Variants in ERBB4 observed in about 807,000 individuals in gnomAD.
ERBB4 encodes the protein erb-b2 receptor tyrosine kinase 4, also known as receptor tyrosine-protein kinase erbB-4.
Under a neutral mutation model 158.0 loss-of-function variants are expected in ERBB4, and 42 were observed. The ratio of observed to expected loss-of-function variants is 0.27; its 90% CI spans 0.21 to 0.34. The LOEUF (loss-of-function observed/expected upper bound fraction) is 0.34, where lower values mean the gene tolerates loss of function less well. Among genes scored for constraint, ERBB4 ranks in the 10% least tolerant of loss-of-function variants. The probability of loss-of-function intolerance (pLI) is 1.00; values close to 1 mark genes in which losing one functional copy is unlikely to be tolerated. For missense variants in ERBB4, 1,333 were observed against 1,624.1 expected, an observed-to-expected ratio of 0.82 and a Z score of 3.08; for synonymous variants, 583 against 558.7, an observed-to-expected ratio of 1.04 and a Z score of -0.61.
intron 1 of ERBB4, among the ~76,000 whole-genome samples, chr2:212,380,649 A>C (rs1485573912): frequency 1.3e-5 from 2 of 150,894 alleles, no homozygotes; most frequent in Non-Finnish European, 3.0e-5. Context: ...AATATATTTT[A>C]TTTTAATGTA....
At chr2:212,536,876 A>C (rs1188913691) in intron 1 of ERBB4, among the ~76,000 whole-genome samples, 4 of 152,128 alleles carry the variant, frequency 2.6e-5, no homozygotes, top group Non-Finnish European at 5.9e-5. Flanking sequence ...GTGCATAATC[A>C]ACCCATTGAG....
At chr2:211,538,662 C>T (rs17406681) in intron 20 of ERBB4, among the ~76,000 whole-genome samples, 27,374 of 151,700 alleles carry the variant, frequency 0.18, 3,037 homozygotes, top group Non-Finnish European at 0.24. Context: ...TTATTCTGGA[C>T]ATTGTACATA....
chr2:211,938,503 T>C (rs2080392367), intron 3 of ERBB4, among the ~76,000 whole-genome samples: 3 of 152,124 alleles, frequency 2.0e-5, no homozygotes, highest in African/African-American at 7.2e-5. Context: ...TAATTAAAAT[T>C]AGATAAAAAT....
chr2:211,831,776 G>T (rs187437186), intron 3 of ERBB4, among the ~76,000 whole-genome samples: 2 of 151,984 alleles, frequency 1.3e-5, no homozygotes, highest in African/African-American at 4.8e-5. Flanking sequence ...GGCAGCAGGT[G>T]CATATAATCC....
At chr2:211,542,299 T>C (rs1396616191) in intron 20 of ERBB4, among the ~76,000 whole-genome samples, 1 of 151,980 alleles carries the variant, frequency 6.6e-6, no homozygotes, top group Non-Finnish European at 1.5e-5. Context: ...ATTCCTCCTC[T>C]AAACAAGTGA....
rs115019933 is a variant in ERBB4, at chr2:212,033,942, A to G, written c.235-86326T>C. ...ACAAAAATTGTAGCAGGAAATCTCAATAAATCATAATCAAAAATGAATCAT... is the reference window on the plus strand; with the variant it reads ...ACAAAAATTGTAGCAGGAAATCTCAGTAAATCATAATCAAAAATGAATCAT... On this transcript the variant is annotated intron_variant, in intron 2 of 27. Coordinates refer to ENST00000342788, the MANE Select transcript of ERBB4 (RefSeq NM_005235.3). Among the ~76,000 whole-genome samples, 1,338 of 152,030 alleles carry G rather than the reference A, an allele frequency of 8.8e-3. 16 individuals are homozygous for G. Among genetic ancestry groups the G allele is most frequent in the African/African-American group, 0.031 (1,277 of 41,556 alleles).
intron 2 of ERBB4, among the ~76,000 whole-genome samples, chr2:212,061,730 T>A (rs2077774927): frequency 6.6e-6 from 1 of 150,588 alleles, no homozygotes; most frequent in Non-Finnish European, 1.5e-5. Flanking sequence ...TTTTCCTTTT[T>A]TCTTTTCTTT....
At chr2:212,064,691 C>A (rs978855075) in intron 2 of ERBB4, among the ~76,000 whole-genome samples, 2 of 151,836 alleles carry the variant, frequency 1.3e-5, no homozygotes, top group African/African-American at 4.8e-5. Flanking sequence ...AACTAGAGAA[C>A]AAAAGAACAC....
chr2:212,027,457 C>A lies in ERBB4; in HGVS notation c.235-79841G>T, dbSNP rs915110907. ...ACTGTATACAAAAGTGATCCAAAAACCAGATTAATATGTTATTTTTACTAC... is the reference window on the plus strand; with the variant it reads ...ACTGTATACAAAAGTGATCCAAAAAACAGATTAATATGTTATTTTTACTAC... On this transcript the variant is annotated intron_variant, in intron 2 of 27. Coordinates refer to ENST00000342788, the MANE Select transcript of ERBB4 (RefSeq NM_005235.3). Among the ~76,000 whole-genome samples the A allele has an allele frequency of 4.0e-5, 6 of 151,884 alleles. No homozygotes were observed. In the East Asian group the frequency reaches 1.2e-3, roughly 29 times the overall value.
chr2:211,444,847 G>C (rs2064071310), intron 20 of ERBB4, among the ~76,000 whole-genome samples: 1 of 152,010 alleles, frequency 6.6e-6, no homozygotes, highest in African/African-American at 2.4e-5. Flanking sequence ...TTACGTAAAT[G>C]ATGTGTTCAG....
chr2:212,367,179 C>A (rs1283850249), intron 1 of ERBB4, among the ~76,000 whole-genome samples: 1 of 152,032 alleles, frequency 6.6e-6, no homozygotes, highest in Non-Finnish European at 1.5e-5. Context: ...GTCCTCAGAA[C>A]AAAACCTATC....
intron 22 of ERBB4, among the ~76,000 whole-genome samples, chr2:211,425,839 T>A (rs1022085302): frequency 6.6e-6 from 1 of 151,986 alleles, no homozygotes; most frequent in East Asian, 1.9e-4. Flanking sequence ...TGAGCCACCA[T>A]GCCTGGCTGA....
At chr2:212,528,330 G>A (rs1270528232) in intron 1 of ERBB4, among the ~76,000 whole-genome samples, 1 of 152,096 alleles carries the variant, frequency 6.6e-6, no homozygotes, top group Non-Finnish European at 1.5e-5. Flanking sequence ...AGAAGGCAGA[G>A]CCAGCTGGCT....
At chr2:212,183,555 T>C (rs539993337) in intron 1 of ERBB4, among the ~76,000 whole-genome samples, 3 of 152,142 alleles carry the variant, frequency 2.0e-5, no homozygotes, top group East Asian at 3.9e-4. Context: ...ACAACATTTA[T>C]CTTGAATTTT....
chr2:212,254,615 C>T (rs773084818), intron 1 of ERBB4, among the ~76,000 whole-genome samples: 9 of 152,222 alleles, frequency 5.9e-5, no homozygotes, highest in Non-Finnish European at 1.2e-4. Flanking sequence ...CCATTCCCCA[C>T]GAATCCGTAA....
chr2:212,022,376 T>C (rs1380801060), intron 2 of ERBB4, among the ~76,000 whole-genome samples: 2 of 152,082 alleles, frequency 1.3e-5, no homozygotes, highest in Non-Finnish European at 2.9e-5. Context: ...GATCGTGTCA[T>C]TTGCAGGGAC....
intron 1 of ERBB4, among the ~76,000 whole-genome samples, chr2:212,267,486 T>C (rs949131703): frequency 1.3e-5 from 2 of 151,926 alleles, no homozygotes; most frequent in Admixed American, 1.3e-4. Flanking sequence ...GTGTATACTT[T>C]TCAGGTGACT....
At chr2:211,696,777 C>A (rs2073039146) in intron 12 of ERBB4, among the ~76,000 whole-genome samples, 1 of 151,962 alleles carries the variant, frequency 6.6e-6, no homozygotes, top group East Asian at 2.0e-4. Flanking sequence ...TCAAGTAATT[C>A]TCCTGCCTCA....
At chr2:212,294,689 T>C (rs2086345672) in intron 1 of ERBB4, among the ~76,000 whole-genome samples, 1 of 152,082 alleles carries the variant, frequency 6.6e-6, no homozygotes, top group Non-Finnish European at 1.5e-5. Flanking sequence ...AAATGTTTAA[T>C]ACTGCCTAGA....
Sources: gnomAD v4.1 joint callset for allele counts (sites outside exome capture counted in the v4.1 genomes callset) on GRCh38, gnomAD v4.1.1 for gene constraint, MANE v1.5 for transcripts, NCBI Gene and HGNC (gene_info 2026-07-23, HGNC 2026-07-21) for gene names.